Variants in JAZF1 observed in about 807,000 individuals in gnomAD.
JAZF1 encodes the protein juxtaposed with another zinc finger protein 1.
JAZF1 carries 8 observed loss-of-function variants against 26.4 expected under a neutral mutation model. The ratio of observed to expected loss-of-function variants is 0.30; its 90% CI spans 0.18 to 0.55. The LOEUF (loss-of-function observed/expected upper bound fraction) is 0.55. JAZF1 is among the 20% of genes least tolerant of loss of function. The pLI is 0.94. For missense variants in JAZF1, 199 were observed against 322.0 expected (o/e 0.62, Z 2.92); for synonymous variants, 126 against 122.3 (o/e 1.03, Z -0.20).
intron 2 of JAZF1, among the ~76,000 whole-genome samples, chr7:27,967,153 T>C (rs1785290945): frequency 6.6e-6 from 1 of 152,118 alleles, no homozygotes; most frequent in Admixed American, 6.5e-5. Flanking sequence ...CTGTCCTCAT[T>C]TGAGGTGGGG....
intron 2 of JAZF1, among the ~76,000 whole-genome samples, chr7:27,920,608 G>T (rs1295237669): frequency 6.6e-6 from 1 of 152,156 alleles, no homozygotes; most frequent in Non-Finnish European, 1.5e-5. Context: ...GCTAAGATGG[G>T]ATAAAAGGGG....
chr7:27,875,153 C>T (rs372882959), intron 3 of JAZF1, among the ~76,000 whole-genome samples: 4 of 152,150 alleles, frequency 2.6e-5, no homozygotes, highest in East Asian at 1.9e-4. Context: ...GTCTCCCATC[C>T]GTGCAAGAAA....
intron 1 of JAZF1, among the ~76,000 whole-genome samples, chr7:28,092,582 C>T (rs1396275247): frequency 2.0e-5 from 3 of 152,062 alleles, no homozygotes; most frequent in African/African-American, 7.2e-5. Flanking sequence ...GTGGCTCACA[C>T]TTATAATCCC....
chr7:27,875,165 G>A (rs1042470098), intron 3 of JAZF1, among the ~76,000 whole-genome samples: 1 of 152,090 alleles, frequency 6.6e-6, no homozygotes, highest in Non-Finnish European at 1.5e-5. Flanking sequence ...TGCAAGAAAT[G>A]GCCCAGCCTC....
intron 1 of JAZF1, among the ~76,000 whole-genome samples, chr7:28,142,627 T>C (rs771160832): frequency 6.6e-6 from 1 of 152,184 alleles, no homozygotes; most frequent in Non-Finnish European, 1.5e-5. Flanking sequence ...AGACATCAAG[T>C]ATAGGAGGCC....
intron 2 of JAZF1, among the ~76,000 whole-genome samples, chr7:27,903,015 TAAAAAAAAAAAA>T (rs60212939): frequency 1.0e-5 from 1 of 98,952 alleles, no homozygotes; most frequent in Non-Finnish European, 2.0e-5. Flanking sequence ...GACTCCGTCT[TAAAAAAAAAAAA>T]AAAAAAAAAA....
chr7:27,843,775 GCT>G (rs1458905114), intron 3 of JAZF1: 1 of 152,282 alleles, frequency 6.6e-6, no homozygotes, highest in Non-Finnish European at 1.5e-5. Flanking sequence ...GCTTCAAATT[GCT>G]CATCTGTAAA....
intron 1 of JAZF1, among the ~76,000 whole-genome samples, chr7:28,034,845 G>A (rs1783257479): frequency 6.6e-6 from 1 of 152,122 alleles, no homozygotes; most frequent in Admixed American, 6.5e-5. Context: ...ACTCAGAAAG[G>A]AATTTGCTAT....
intron 3 of JAZF1, among the ~76,000 whole-genome samples, chr7:27,890,445 CTT>C (rs1783951498): frequency 1.3e-5 from 2 of 152,116 alleles, no homozygotes; most frequent in African/African-American, 4.8e-5. Context: ...GTTTCAGTAA[CTT>C]AACATATTTT....
At chr7:28,092,429 C>A (rs999265607) in intron 1 of JAZF1, among the ~76,000 whole-genome samples, 10 of 149,184 alleles carry the variant, frequency 6.7e-5, no homozygotes, top group African/African-American at 2.0e-4. Context: ...CACGGTTGGA[C>A]TGAGCTTTGA....
intron 3 of JAZF1, among the ~76,000 whole-genome samples, chr7:27,875,205 C>A (rs1054931103): frequency 6.6e-6 from 1 of 152,150 alleles, no homozygotes; most frequent in East Asian, 1.9e-4. Flanking sequence ...CTTTCTCTCT[C>A]GCTTTCTCTT....
intron 2 of JAZF1, among the ~76,000 whole-genome samples, chr7:27,957,197 A>G (rs1195951979): frequency 6.6e-6 from 1 of 152,186 alleles, no homozygotes; most frequent in Non-Finnish European, 1.5e-5. Flanking sequence ...CAGGAACAGC[A>G]GCCAGACCCT....
intron 1 of JAZF1, among the ~76,000 whole-genome samples, chr7:28,085,700 T>C (rs954169882): frequency 3.9e-5 from 6 of 152,342 alleles, no homozygotes; most frequent in Admixed American, 3.3e-4. Context: ...ATGAGGCAGG[T>C]AAAATCTGTA....
chr7:27,899,035 T>C (rs1254409828), intron 2 of JAZF1, among the ~76,000 whole-genome samples: 1 of 152,092 alleles, frequency 6.6e-6, no homozygotes, highest in African/African-American at 2.4e-5. Flanking sequence ...AGGGCCCGTG[T>C]CTCCCCTGCA....
intron 2 of JAZF1, among the ~76,000 whole-genome samples, chr7:27,973,060 C>G (rs1785406861): frequency 6.6e-6 from 1 of 151,642 alleles, no homozygotes; most frequent in African/African-American, 2.4e-5. Flanking sequence ...ATGCATATCT[C>G]CATACAGGGA....
chr7:28,180,419 G>T, intron 1 of JAZF1, 44 bp downstream of exon 1: 1 of 1,524,232 alleles, frequency 6.6e-7, no homozygotes, highest in East Asian at 2.3e-5. Context: ...CCGGGCAGGA[G>T]TTTCCGCGCG....
chr7:27,941,186 C>T (rs1024373152), intron 2 of JAZF1, among the ~76,000 whole-genome samples: 2 of 152,138 alleles, frequency 1.3e-5, no homozygotes, highest in African/African-American at 4.8e-5. Context: ...ATGAGCCTTT[C>T]GAAATTAATA....
intron 3 of JAZF1, among the ~76,000 whole-genome samples, chr7:27,862,238 G>C (rs1049692637): frequency 1.3e-5 from 2 of 151,928 alleles, no homozygotes; most frequent in Non-Finnish European, 2.9e-5. Context: ...TTAGATCTAG[G>C]GGGTACACAT....
chr7:28,159,238 G>A (rs1444731482), intron 1 of JAZF1, among the ~76,000 whole-genome samples: 1 of 151,950 alleles, frequency 6.6e-6, no homozygotes, highest in Non-Finnish European at 1.5e-5. Flanking sequence ...GGAAAACCCA[G>A]GGAAGTAACT....
Sources: allele counts gnomAD v4.1 joint callset (sites outside exome capture counted in the v4.1 genomes callset), GRCh38; gene constraint gnomAD v4.1.1; transcripts MANE v1.5; gene names NCBI Gene and HGNC (gene_info 2026-07-23, HGNC 2026-07-21).